OXCT1: variants seen among roughly 807,000 people sequenced by gnomAD.
OXCT1 encodes the protein 3-oxoacid CoA-transferase 1.
Under a neutral mutation model 69.6 loss-of-function variants are expected in OXCT1, and 27 were observed. The observed-to-expected ratio is 0.39, with a 90% CI of 0.29 to 0.54. The LOEUF (loss-of-function observed/expected upper bound fraction) is 0.54. OXCT1 is among the 20% of genes least tolerant of loss of function. OXCT1 has a pLI of 0.72. For missense variants in OXCT1, 437 were observed against 650.2 expected (o/e 0.67, Z 3.57); for synonymous variants, 202 against 217.8 (o/e 0.93, Z 0.64).
intron 7 of OXCT1, among the ~76,000 whole-genome samples, chr5:41,836,290 C>T (rs1427609408): frequency 1.3e-5 from 2 of 152,182 alleles, no homozygotes; most frequent in Admixed American, 6.5e-5. Flanking sequence ...TGGCAATATG[C>T]GCCCATGTGC....
intron 1 of OXCT1, 135 bp from the exon 2 acceptor site, chr5:41,862,885 G>A: frequency 1.6e-6 from 1 of 633,188 alleles, no homozygotes; most frequent in Non-Finnish European, 2.9e-6. Context: ...TTAATTGCCA[G>A]GTAATAACTG....
intron 13 of OXCT1, among the ~76,000 whole-genome samples, chr5:41,787,051 A>T (rs1404154434): frequency 6.6e-6 from 1 of 152,242 alleles, no homozygotes; most frequent in Non-Finnish European, 1.5e-5. Context: ...ACGCAAGAAA[A>T]TAATATAGCT....
chr5:41,862,450 A>T (rs1431331574), intron 2 of OXCT1, among the ~76,000 whole-genome samples, 192 bp downstream of exon 2: 1 of 152,194 alleles, frequency 6.6e-6, no homozygotes, highest in Non-Finnish European at 1.5e-5. Context: ...AGAAAGTAAA[A>T]TATTAAGTGC....
rs116769269 is a variant in OXCT1, at chr5:41,823,766, T to C, written c.733-16328A>G. Among the ~76,000 whole-genome samples, 578 of 152,324 alleles carry C rather than the reference T, an allele frequency of 3.8e-3. 2 individuals carry two copies. The highest frequency in any genetic ancestry group is 0.013 in the African/African-American group (557 of 41,568). ...ACTATATAGAATCCTAAAGTTTCTA[T>C]CTTGAATTCAAACAACTATATAATA... On this transcript the variant is annotated intron_variant, in intron 7 of 16. Transcript: ENST00000196371.
chr5:41,770,089 T>C (rs1201062920), intron 13 of OXCT1, among the ~76,000 whole-genome samples: 1 of 152,222 alleles, frequency 6.6e-6, no homozygotes, highest in Non-Finnish European at 1.5e-5. Flanking sequence ...GCCCTTTGCC[T>C]TCCCTGTTCA....
At chr5:41,763,072 TAA>T (rs1036586434) in intron 13 of OXCT1, among the ~76,000 whole-genome samples, 7 of 152,128 alleles carry the variant, frequency 4.6e-5, no homozygotes, top group Non-Finnish European at 8.8e-5. Context: ...GATTTGCCAG[TAA>T]AGTCTTAGAG....
In OXCT1 at chr5:41,870,296, C is replaced by A. The variant is rs1382112441; in HGVS notation, c.63G>T (p.Gly21=). ...CGCACTTTACCTTGTACCAGGTTGC[C>A]CCAGATCCGCGGGCAGAGGCGCAGA... ...LRLCASARGS[G]ATWYKGCVCS... The change falls in exon 1 of 17, where the codon GGG becomes GGT. Residue 21 remains glycine (G), a synonymous_variant. Coordinates refer to ENST00000196371, the MANE Select transcript of OXCT1 (RefSeq NM_000436.4). This position sits in a 1 kb window ranked among gnomAD's most constrained non-coding sequence, Gnocchi z 4.2. 6.2e-7 allele frequency: 1 copy of A among 1,613,764 alleles called. No homozygotes were observed. Among genetic ancestry groups the A allele is most frequent in the African/African-American group, 1.3e-5 (1 of 74,930 alleles).
chr5:41,798,306 A>T (rs913924846), intron 11 of OXCT1, among the ~76,000 whole-genome samples: 1 of 152,178 alleles, frequency 6.6e-6, no homozygotes, highest in Non-Finnish European at 1.5e-5. Context: ...TGTTATCTGT[A>T]CTTTAGACTG....
intron 7 of OXCT1, among the ~76,000 whole-genome samples, chr5:41,823,582 T>A (rs1026252861): frequency 2.0e-5 from 3 of 152,254 alleles, no homozygotes; most frequent in African/African-American, 7.2e-5. Context: ...GTTTGCCCTG[T>A]GACTTTAATC....
At chr5:41,808,846 T>C (rs1746814688) in intron 7 of OXCT1, among the ~76,000 whole-genome samples, 1 of 152,084 alleles carries the variant, frequency 6.6e-6, no homozygotes, top group Non-Finnish European at 1.5e-5. Flanking sequence ...CTCATTCACA[T>C]CTTTCCATAT....
At position 41,744,726 on chromosome 5, in the gene OXCT1, G is replaced by A. The variant is rs558662428; in HGVS notation, c.1419+4801C>T. On this transcript the variant is annotated intron_variant, in intron 15 of 16. Transcript: ENST00000196371. ...TTTCTGCATCTATTGAGATAATCAT[G>A]CGGTTTTTGTCATTGGTTCTGACAA... is the stretch of plus-strand genomic sequence containing the variant. 2.0e-5 allele frequency among the ~76,000 whole-genome samples: 3 copies of A among 152,152 alleles called. No homozygotes were observed. In the East Asian group the frequency reaches 5.8e-4, roughly 29 times the overall value.
chr5:41,853,602 C>T (rs766919428), intron 3 of OXCT1, 48 bp from the exon 4 acceptor site: 235 of 1,578,092 alleles, frequency 1.5e-4, no homozygotes, highest in Non-Finnish European at 2.0e-4. Flanking sequence ...TGACAGAACA[C>T]TATTACATCT....
intron 13 of OXCT1, among the ~76,000 whole-genome samples, chr5:41,789,073 CA>C (rs1745791012): frequency 6.6e-6 from 1 of 151,984 alleles, no homozygotes; most frequent in Admixed American, 6.5e-5. Context: ...GAGACTGAAA[CA>C]ACATAAAAAT....
At chr5:41,774,524 A>G (rs947246808) in intron 13 of OXCT1, among the ~76,000 whole-genome samples, 2 of 152,160 alleles carry the variant, frequency 1.3e-5, no homozygotes, top group Admixed American at 6.5e-5. Context: ...AACAAAAAGA[A>G]TGGAAGGACA....
chr5:41,828,494 G>A (rs1181783374), intron 7 of OXCT1, among the ~76,000 whole-genome samples: 1 of 152,062 alleles, frequency 6.6e-6, no homozygotes, highest in Non-Finnish European at 1.5e-5. Flanking sequence ...AAAGGCAAGT[G>A]CTTCTAATAA....
chr5:41,857,776 G>T lies in OXCT1; in HGVS notation c.278+3538C>A, dbSNP rs115879645. On this transcript the variant is annotated intron_variant, in intron 3 of 16. Transcript: ENST00000196371. ...CATCCCTGACCATTCCACTGAAAAG[G>T]CTCCCTTTGGTAAACTCCTCAACCA... is the stretch of plus-strand genomic sequence containing the variant. Among the ~76,000 whole-genome samples the T allele has an allele frequency of 3.5e-3, 529 of 152,068 alleles. 1 individual carries two copies. The highest frequency in any genetic ancestry group is 0.012 in the African/African-American group (498 of 41,494).
chr5:41,837,630 C>G (rs200337982), intron 7 of OXCT1, among the ~76,000 whole-genome samples: 6 of 83,186 alleles, frequency 7.2e-5, no homozygotes, highest in Admixed American at 1.2e-4. Flanking sequence ...ATAAGCTGGG[C>G]AAAAAAAAAA....
At chr5:41,767,195 T>C (rs1744646052) in intron 13 of OXCT1, among the ~76,000 whole-genome samples, 1 of 152,194 alleles carries the variant, frequency 6.6e-6, no homozygotes, top group Non-Finnish European at 1.5e-5. Context: ...GTATAGCAGT[T>C]ATAGCACAGT....
At chr5:41,837,406 C>T (rs1408059508) in intron 7 of OXCT1, among the ~76,000 whole-genome samples, 1 of 151,786 alleles carries the variant, frequency 6.6e-6, no homozygotes, top group Admixed American at 6.6e-5. Flanking sequence ...GACATTCAGT[C>T]ACCACATTTA....
Sources: gnomAD v4.1 joint callset for allele counts (sites outside exome capture counted in the v4.1 genomes callset) on GRCh38, gnomAD v4.1.1 for gene constraint, Gnocchi (gnomAD v3.1) non-coding constraint, MANE v1.5 for transcripts, NCBI Gene and HGNC (gene_info 2026-07-23, HGNC 2026-07-21) for gene names.